The following ADAM22 variants were observed in gnomAD, a reference collection of about 807,000 sequenced individuals.
The protein encoded by ADAM22 is ADAM metallopeptidase domain 22, also known as disintegrin and metalloproteinase domain-containing protein 22.
Under a neutral mutation model 144.6 loss-of-function variants are expected in ADAM22, and 65 were observed. The ratio of observed to expected loss-of-function variants is 0.45; its 90% CI spans 0.37 to 0.55. The LOEUF (loss-of-function observed/expected upper bound fraction) is 0.55. Ranked by LOEUF, ADAM22 falls within the 20% of genes least tolerant of loss-of-function variation. The pLI, the probability that ADAM22 is intolerant of heterozygous loss-of-function variation, is 0.00. For missense variants in ADAM22, 974 were observed against 1,184.9 expected (o/e 0.82, Z 2.61); for synonymous variants, 391 against 412.6 (o/e 0.95, Z 0.63).
Position 88,201,592 on chromosome 7 carries a change from T to C in ADAM22, c.*5101T>C, listed in dbSNP as rs1156452625. On this transcript the variant is annotated 3_prime_UTR_variant, in exon 32 of 32. Transcript: ENST00000413139. ...GAATACTTTGTGGTCCAGTCCATAA[T>C]AGGCCAGTCACTCCTGCCTGATGCA... The C allele has an allele frequency of 6.6e-6, 1 of 152,200 alleles. No homozygotes were observed. Among genetic ancestry groups the C allele is most frequent in the Non-Finnish European group, 1.5e-5 (1 of 68,044 alleles). The allele number at this position is 152,200 out of a possible 1,614,324, so 9.4% of individuals were successfully genotyped here.
chr7:88,005,671 C>T (rs755410366), intron 3 of ADAM22, among the ~76,000 whole-genome samples: 22 of 152,024 alleles, frequency 1.4e-4, no homozygotes, highest in East Asian at 7.7e-4. Flanking sequence ...TCACATTAAC[C>T]GTATTTCACT....
At chr7:87,961,025 A>G (rs1041442489) in intron 2 of ADAM22, among the ~76,000 whole-genome samples, 6 of 152,224 alleles carry the variant, frequency 3.9e-5, no homozygotes, top group Non-Finnish European at 7.3e-5. Flanking sequence ...ATTATATGGT[A>G]TGTTCAAAGG....
At chr7:88,134,537 A>C (rs1832552302) in intron 13 of ADAM22, 118 bp downstream of exon 13, 2 of 672,216 alleles carry the variant, frequency 3.0e-6, no homozygotes, top group Non-Finnish European at 5.0e-6. Context: ...CGATAGTAAA[A>C]GATAAACATC....
intron 3 of ADAM22, among the ~76,000 whole-genome samples, chr7:88,017,630 A>G (rs1796835842): frequency 6.6e-6 from 1 of 152,134 alleles, no homozygotes; most frequent in South Asian, 2.1e-4. Flanking sequence ...AAAATGATAT[A>G]AAATATATAA....
rs774577282 is a variant in ADAM22 at position 87,935,131 on chromosome 7, A to G, written c.191A>G (p.Glu64Gly). Residue 64 changes from glutamate (E) to glycine (G), a missense_variant, in exon 2 of 32, where the codon GAA (glutamate) becomes GGA (glycine). By Grantham distance (98) the Glu-to-Gly change is moderately conservative. Around this residue, in one of 2 missense-constraint regions of ADAM22, gnomAD observed 240 missense variants for 234.3 expected, o/e 1.02. Transcript: ENST00000413139. Reference protein sequence around the residue: ...RLIYRSGGEDESRHDALDTRV... With the variant: ...RLIYRSGGEDGSRHDALDTRV... ...ATCTACCGCTCGGGCGGCGAAGACG[A>G]AAGTCGGCACGACGCGCTCGACACG... 2 of 1,613,584 alleles carry G rather than the reference A, an allele frequency of 1.2e-6. No individual in the cohort carries two copies. Among genetic ancestry groups the G allele is most frequent in the Admixed American group, 1.7e-5 (1 of 60,018 alleles).
At chr7:88,170,105 A>G (rs1783584681) in intron 25 of ADAM22, among the ~76,000 whole-genome samples, 1 of 151,964 alleles carries the variant, frequency 6.6e-6, no homozygotes, top group African/African-American at 2.4e-5. Flanking sequence ...ATTCCTCAAT[A>G]TATACACTTT....
At chr7:88,026,541 G>A (rs993004053) in intron 3 of ADAM22, among the ~76,000 whole-genome samples, 3 of 152,134 alleles carry the variant, frequency 2.0e-5, no homozygotes, top group African/African-American at 4.8e-5. Flanking sequence ...AACCATATTA[G>A]CATGTAGAAA....
intron 3 of ADAM22, among the ~76,000 whole-genome samples, chr7:88,022,369 A>G (rs1164594003): frequency 2.6e-5 from 4 of 152,190 alleles, no homozygotes; most frequent in African/African-American, 9.6e-5. Context: ...CTAAAATTCA[A>G]TGTTTTGGTG....
At chr7:88,071,349 C>A (rs1337896245) in intron 3 of ADAM22, among the ~76,000 whole-genome samples, 1 of 147,222 alleles carries the variant, frequency 6.8e-6, no homozygotes, top group Non-Finnish European at 1.5e-5. Context: ...GGATGCATTT[C>A]ATCTATGTTC....
At chr7:88,097,410 A>C (rs2129485996) in intron 4 of ADAM22, among the ~76,000 whole-genome samples, 1 of 151,780 alleles carries the variant, frequency 6.6e-6, no homozygotes, top group Admixed American at 6.6e-5. Flanking sequence ...AGTCTCCCAA[A>C]GTTCTAGGAT....
At chr7:88,161,670 A>G (rs1841679797) in intron 22 of ADAM22, among the ~76,000 whole-genome samples, 1 of 152,180 alleles carries the variant, frequency 6.6e-6, no homozygotes, top group African/African-American at 2.4e-5. Flanking sequence ...GACACTTTTC[A>G]AAAGAAGACA....
intron 7 of ADAM22, among the ~76,000 whole-genome samples, chr7:88,122,121 G>A (rs1008683028): frequency 6.6e-6 from 1 of 152,184 alleles, no homozygotes; most frequent in Non-Finnish European, 1.5e-5. Flanking sequence ...GGAAGGATAT[G>A]CAGTTGTCGT....
chr7:88,131,582 T>C (rs1157523390), intron 11 of ADAM22, 147 bp downstream of exon 11: 4 of 702,498 alleles, frequency 5.7e-6, no homozygotes, highest in Non-Finnish European at 6.9e-6. Flanking sequence ...TTTTCAAGTA[T>C]AGATTGCTTA....
chr7:88,131,527 C>A, intron 11 of ADAM22, 92 bp downstream of exon 11: 1 of 1,364,670 alleles, frequency 7.3e-7, no homozygotes, highest in Non-Finnish European at 1.0e-6. Flanking sequence ...CTACATAACA[C>A]AATTAGGATT....
At chr7:88,106,635 A>C (rs1311705666) in intron 4 of ADAM22, among the ~76,000 whole-genome samples, 1 of 152,324 alleles carries the variant, frequency 6.6e-6, no homozygotes, top group Non-Finnish European at 1.5e-5. Context: ...AGAAGCTTTC[A>C]GCTACTGAAG....
chr7:88,112,621 G>A (rs1826344330), intron 5 of ADAM22, among the ~76,000 whole-genome samples: 1 of 152,220 alleles, frequency 6.6e-6, no homozygotes, highest in African/African-American at 2.4e-5. Context: ...CTGAGTGGGA[G>A]CTGAGGCCAT....
At chr7:87,992,463 G>T (rs1434876905) in intron 3 of ADAM22, among the ~76,000 whole-genome samples, 1 of 152,218 alleles carries the variant, frequency 6.6e-6, no homozygotes, top group African/African-American at 2.4e-5. Context: ...ACGTTAGTAC[G>T]TTTTTCATAA....
intron 7 of ADAM22, among the ~76,000 whole-genome samples, chr7:88,125,049 C>T (rs185521657): frequency 2.6e-5 from 4 of 152,052 alleles, no homozygotes; most frequent in South Asian, 2.1e-4. Flanking sequence ...AATCTATACG[C>T]ATAAACAGTT....
chr7:88,145,259 A>T (rs371197139), intron 16 of ADAM22, 63 bp downstream of exon 16: 1 of 1,566,734 alleles, frequency 6.4e-7, no homozygotes, highest in Non-Finnish European at 8.8e-7. Flanking sequence ...AGGTCCACAC[A>T]CTGAGATGTA....
Sources: gnomAD v4.1 joint callset for allele counts (sites outside exome capture counted in the v4.1 genomes callset) on GRCh38, gnomAD v4.1.1 for gene constraint, gnomAD v4.1.1 regional missense constraint, MANE v1.5 for transcripts, NCBI Gene and HGNC (gene_info 2026-07-23, HGNC 2026-07-21) for gene names.